Variants in GRM8 observed in about 807,000 individuals in gnomAD.
GRM8 encodes the protein glutamate metabotropic receptor 8, also known as metabotropic glutamate receptor 8.
In GRM8, 47 loss-of-function variants were observed where a neutral mutation model predicts 87.2. That is an observed-to-expected ratio of 0.54 (90% CI 0.43 to 0.69). The LOEUF (loss-of-function observed/expected upper bound fraction) is 0.69. Among genes scored for constraint, GRM8 ranks in the 30% least tolerant of loss-of-function variants. The pLI is 0.00. For missense variants in GRM8, 1,019 were observed against 1,139.2 expected (o/e 0.89, Z 1.52); for synonymous variants, 396 against 404.5 (o/e 0.98, Z 0.25).
chr7:127,100,025 C>T (rs1182836152), intron 3 of GRM8, among the ~76,000 whole-genome samples: 1 of 151,890 alleles, frequency 6.6e-6, no homozygotes, highest in East Asian at 1.9e-4. Flanking sequence ...CATCTACAAG[C>T]CAAGGAATAC....
chr7:126,747,954 T>C, intron 7 of GRM8, among the ~76,000 whole-genome samples: 1 of 152,104 alleles, frequency 6.6e-6, no homozygotes, highest in East Asian at 1.9e-4. Context: ...AATGTTCATA[T>C]ATTTTATATT....
At chr7:126,658,456 G>T (rs994978540) in intron 7 of GRM8, among the ~76,000 whole-genome samples, 7 of 152,052 alleles carry the variant, frequency 4.6e-5, no homozygotes, top group Admixed American at 3.9e-4. Flanking sequence ...ATCTAAAACT[G>T]GCAGTCTTGG....
chr7:127,181,844 C>G (rs1271159818), intron 2 of GRM8, among the ~76,000 whole-genome samples: 2 of 152,052 alleles, frequency 1.3e-5, no homozygotes, highest in Non-Finnish European at 2.9e-5. Flanking sequence ...AAAATCAACT[C>G]AAGACGGATT....
intron 7 of GRM8, among the ~76,000 whole-genome samples, chr7:126,615,571 C>A (rs375287272): frequency 4.8e-4 from 73 of 152,256 alleles, no homozygotes; most frequent in Non-Finnish European, 8.7e-4. Flanking sequence ...TTAAAAGACA[C>A]AGACTGGCAA....
chr7:126,909,563 G>T (rs1442271876), intron 3 of GRM8, among the ~76,000 whole-genome samples: 1 of 152,162 alleles, frequency 6.6e-6, no homozygotes, highest in Admixed American at 6.5e-5. Context: ...GTACTTACAG[G>T]CAAAATGTTA....
chr7:127,118,800 TCCC>T (rs765129489), intron 2 of GRM8, among the ~76,000 whole-genome samples: 4 of 152,202 alleles, frequency 2.6e-5, no homozygotes, highest in African/African-American at 7.2e-5. Context: ...TAGCTTTTTT[TCCC>T]ACAGGTGTTC....
At chr7:126,594,094 A>G (rs1452076049) in intron 8 of GRM8, among the ~76,000 whole-genome samples, 2 of 152,010 alleles carry the variant, frequency 1.3e-5, no homozygotes, top group African/African-American at 4.8e-5. Context: ...GAGAAAAAGT[A>G]TTAGTGAGGA....
At chr7:126,857,998 G>C (rs1419371191) in intron 6 of GRM8, among the ~76,000 whole-genome samples, 1 of 152,098 alleles carries the variant, frequency 6.6e-6, no homozygotes, top group Non-Finnish European at 1.5e-5. Flanking sequence ...GGAAGGGAGG[G>C]AGAGGAAGAA....
intron 3 of GRM8, among the ~76,000 whole-genome samples, chr7:126,940,591 A>T (rs1449885721): frequency 3.9e-5 from 6 of 152,196 alleles, no homozygotes; most frequent in African/African-American, 1.4e-4. Context: ...TGTTGTCACC[A>T]TGTAGACAAG....
chr7:127,015,242 AAGAAGAAGAAGAAGAAGAAAAGAG>A lies in GRM8; in HGVS notation c.727+91230_727+91253del, dbSNP rs1563414498. On this transcript the variant is annotated intron_variant, in intron 3 of 10. Coordinates refer to ENST00000339582, the MANE Select transcript of GRM8 (RefSeq NM_000845.3). Reference sequence around the variant, plus strand: ...GAAGAAGAAGAAGAAGAAGAAGAAGAAGAAGAAGAAGAAGAAGAAAAGAGAGAGAGAGAGAGAGAGAGAATGAAC... The same window carrying A: ...GAAGAAGAAGAAGAAGAAGAAGAAGAAGAGAGAGAGAGAGAGAGAATGAAC... Among the ~76,000 whole-genome samples, 776 of 131,352 alleles carry A rather than the reference AAGAAGAAGAAGAAGAAGAAAAGAG, an allele frequency of 5.9e-3. 34 individuals are homozygous for A. Among genetic ancestry groups the A allele is most frequent in the East Asian group, 0.019 (71 of 3,820 alleles). The allele number at this position is 131,352 out of a possible 152,430, so 86.2% of individuals were successfully genotyped here.
chr7:126,910,544 G>A (rs558755794), intron 3 of GRM8, among the ~76,000 whole-genome samples: 9 of 152,264 alleles, frequency 5.9e-5, no homozygotes, highest in African/African-American at 1.9e-4. Context: ...TTTAAAAGTA[G>A]ATGTCATTAA....
At chr7:127,171,042 T>C (rs899212872) in intron 2 of GRM8, among the ~76,000 whole-genome samples, 1 of 152,100 alleles carries the variant, frequency 6.6e-6, no homozygotes, top group East Asian at 1.9e-4. Flanking sequence ...GATCAAAATA[T>C]CAACATTAAC....
At chr7:126,886,100 C>G (rs2215565) in intron 6 of GRM8, among the ~76,000 whole-genome samples, 61,252 of 151,804 alleles carry the variant, frequency 0.4, 12,568 homozygotes, top group East Asian at 0.66. Flanking sequence ...CAAACAAGGG[C>G]CTCTATTGTA....
intron 3 of GRM8, among the ~76,000 whole-genome samples, chr7:126,987,932 A>G (rs1812276488): frequency 6.6e-6 from 1 of 152,236 alleles, no homozygotes; most frequent in Non-Finnish European, 1.5e-5. Flanking sequence ...CAATTTTAAA[A>G]TTAGCATGTG....
intron 3 of GRM8, among the ~76,000 whole-genome samples, chr7:126,954,045 A>G (rs2131625001): frequency 6.6e-6 from 1 of 152,272 alleles, no homozygotes; most frequent in Admixed American, 6.5e-5. Context: ...ATGTTGCACA[A>G]CGCTGGCACA....
At position 127,133,777 on chromosome 7, in the gene GRM8, G is replaced by A. The variant is rs569550531; in HGVS notation, c.511-27065C>T. Among the ~76,000 whole-genome samples the A allele has an allele frequency of 2.6e-5, 4 of 151,496 alleles. No individual in the cohort carries two copies. In the East Asian group the frequency reaches 7.7e-4, roughly 29 times the overall value. On this transcript the variant is annotated intron_variant, in intron 2 of 10. Transcript: ENST00000339582. Reference sequence around the variant, plus strand: ...ACTGGCATTTTTTCACCCTTCTTGGGTTTTTTTCTTTCTTAATTCTCTATA... The same window carrying A: ...ACTGGCATTTTTTCACCCTTCTTGGATTTTTTTCTTTCTTAATTCTCTATA...
intron 3 of GRM8, among the ~76,000 whole-genome samples, chr7:126,963,389 C>T (rs990870143): frequency 6.6e-6 from 1 of 152,078 alleles, no homozygotes. Flanking sequence ...ATATACATAA[C>T]TAGAAAGAGA....
At chr7:126,793,548 C>A (rs1007006978) in intron 6 of GRM8, among the ~76,000 whole-genome samples, 1 of 152,144 alleles carries the variant, frequency 6.6e-6, no homozygotes, top group Middle Eastern at 3.2e-3. Context: ...GTTATATAAA[C>A]CTGATTTCCT....
At position 126,515,252 on chromosome 7, in the gene GRM8, T is replaced by A. The variant is rs375095170; in HGVS notation, c.2430+17700A>T. 1.2e-3 allele frequency among the ~76,000 whole-genome samples: 179 copies of A among 152,264 alleles called. 7 individuals carry two copies. In the South Asian group the frequency reaches 0.036, roughly 31 times the overall value. On this transcript the variant is annotated intron_variant, in intron 9 of 10. Transcript: ENST00000339582. ...ATCAAATGTGAATTAGGATGCTTAA[T>A]GCATAGTATATCAGCTTAATATGCC... is the stretch of plus-strand genomic sequence containing the variant.
Sources: allele counts gnomAD v4.1 joint callset (sites outside exome capture counted in the v4.1 genomes callset), GRCh38; gene constraint gnomAD v4.1.1; transcripts MANE v1.5; gene names NCBI Gene and HGNC (gene_info 2026-07-23, HGNC 2026-07-21).